EPG5: variants seen among roughly 807,000 people sequenced by gnomAD.
The protein encoded by EPG5 is ectopic P-granules 5 autophagy tethering factor, also known as ectopic P granules protein 5 homolog.
A neutral mutation model predicts 302.7 loss-of-function variants in EPG5; 159 were observed. That is an observed-to-expected ratio of 0.53 (90% CI 0.46 to 0.60). The LOEUF (loss-of-function observed/expected upper bound fraction) is 0.60, where lower values mean the gene tolerates loss of function less well. Ranked by LOEUF, EPG5 falls within the 20% of genes least tolerant of loss-of-function variation. The probability of loss-of-function intolerance (pLI) is 0.00; values close to 1 mark genes in which losing one functional copy is unlikely to be tolerated. For synonymous variants in EPG5, 1,158 were observed against 1,136.8 expected (o/e 1.02, Z -0.37); for missense variants, 2,896 against 3,092.4 (o/e 0.94, Z 1.51).
chr18:45,837,014 T>A, the EPG5 span: 1 of 1,274,076 alleles, frequency 7.8e-7, no homozygotes, highest in Non-Finnish European at 1.1e-6. Flanking sequence ...CGGGGTTAAC[T>A]GTGTTTATCT....
intron 9 of EPG5, among the ~76,000 whole-genome samples, chr18:45,940,166 A>T (rs1007089313): frequency 2.4e-4 from 37 of 152,216 alleles, no homozygotes; most frequent in African/African-American, 8.2e-4. Flanking sequence ...TCTCTATGAG[A>T]AGAGTGTCCA....
intron 1 of EPG5, 113 bp from the exon 2 acceptor site, chr18:45,955,451 C>T (rs2051006886): frequency 2.2e-5 from 16 of 712,836 alleles, no homozygotes; most frequent in Non-Finnish European, 3.1e-5. Flanking sequence ...ACAAATGAAA[C>T]CTAAATTCAC....
chr18:45,889,290 C>T (rs868042428), intron 28 of EPG5, among the ~76,000 whole-genome samples: 2 of 152,144 alleles, frequency 1.3e-5, no homozygotes, highest in South Asian at 2.1e-4. Flanking sequence ...CAAAAGAAAA[C>T]GATGGTCAAA....
At chr18:45,894,737 G>A (rs925005286) in intron 27 of EPG5, among the ~76,000 whole-genome samples, 7 of 152,182 alleles carry the variant, frequency 4.6e-5, no homozygotes, top group Non-Finnish European at 8.8e-5. Flanking sequence ...TAATGTGTAT[G>A]TTGTGTTTAG....
At chr18:45,949,398 C>CTTT in intron 5 of EPG5, 86 bp downstream of exon 5, 1 of 685,612 alleles carries the variant, frequency 1.5e-6, no homozygotes, top group Non-Finnish European at 2.4e-6. Context: ...TTAAATAGTC[C>CTTT]TTTTTTTTTC....
At chr18:45,944,242 A>G (rs2050739837) in intron 7 of EPG5, 123 bp from the exon 8 acceptor site, 2 of 617,770 alleles carry the variant, frequency 3.2e-6, no homozygotes, top group Non-Finnish European at 5.8e-6. Context: ...ATGAGTCTTC[A>G]TGGACCTTTT....
At chr18:45,816,935 T>TA in the EPG5 span, among the ~76,000 whole-genome samples, 2 of 152,090 alleles carry the variant, frequency 1.3e-5, no homozygotes, top group Non-Finnish European at 2.9e-5. Flanking sequence ...TACTCAGCCA[T>TA]AAAAAAGGAA....
At chr18:45,881,708 A>T (rs912094182) in intron 31 of EPG5, among the ~76,000 whole-genome samples, 1 of 152,222 alleles carries the variant, frequency 6.6e-6, no homozygotes, top group Admixed American at 6.5e-5. Context: ...TTGCTATAGA[A>T]AATTGTAAGA....
At chr18:45,909,875 G>A (rs898243985) in intron 23 of EPG5, among the ~76,000 whole-genome samples, 1 of 152,222 alleles carries the variant, frequency 6.6e-6, no homozygotes, top group Non-Finnish European at 1.5e-5. Flanking sequence ...GAGCCCAGGA[G>A]TTTGGGGCTG....
chr18:45,860,191 G>A lies in EPG5; in HGVS notation c.6922C>T (p.Leu2308Phe), dbSNP rs561196352. ...AGGCTCTGGCAGGCTGCTGTTAAAA[G>A]GGGCAGCACCACCAGCCCATGCATT... Reference protein sequence around the residue: ...QKMHGLVVLPLLTAACQSLAS... With the variant: ...QKMHGLVVLPFLTAACQSLAS... Residue 2308 changes from leucine (L) to phenylalanine (F), a missense_variant, in exon 40 of 44, where the codon CTT (leucine) becomes TTT (phenylalanine). By Grantham distance (22) the Leu-to-Phe change is conservative. This residue lies in a region of EPG5 where 620 missense variants were observed against 704.2 expected (regional missense o/e 0.88). Coordinates refer to ENST00000282041, the MANE Select transcript of EPG5 (RefSeq NM_020964.3). The A allele has an allele frequency of 1.2e-6, 2 of 1,614,224 alleles. No homozygotes were observed. The highest frequency in any genetic ancestry group is 1.1e-5 in the South Asian group (1 of 91,084).
intron 1 of EPG5, among the ~76,000 whole-genome samples, chr18:45,965,804 G>C (rs1056665928): frequency 7.1e-6 from 1 of 141,476 alleles, no homozygotes; most frequent in South Asian, 2.3e-4. Flanking sequence ...CTGTAATCCG[G>C]GCACTTTGGG....
At chr18:45,934,237 CAA>C (rs2050466044) in intron 11 of EPG5, among the ~76,000 whole-genome samples, 1 of 151,922 alleles carries the variant, frequency 6.6e-6, no homozygotes, top group Non-Finnish European at 1.5e-5. Context: ...TGCAGTCAGC[CAA>C]GAGCACACCA....
At chr18:45,942,107 C>T (rs1019345820) in intron 9 of EPG5, among the ~76,000 whole-genome samples, 4 of 152,092 alleles carry the variant, frequency 2.6e-5, no homozygotes, top group African/African-American at 7.2e-5. Flanking sequence ...CACCAATAGT[C>T]CCAGCTATTC....
the EPG5 span, chr18:45,837,111 C>A: frequency 1.2e-6 from 2 of 1,612,346 alleles, no homozygotes; most frequent in Non-Finnish European, 1.7e-6. Flanking sequence ...ATTATTATCA[C>A]CATCTCGGGG....
Position 45,882,379 on chromosome 18 carries a change from C to T in EPG5, c.5413G>A (p.Glu1805Lys). Residue 1805 changes from glutamate to lysine, a missense_variant, in exon 31 of 44, where the codon GAG becomes AAG. This residue lies in a region of EPG5 where 790 missense variants were observed against 798.0 expected (regional missense o/e 0.99). Coordinates refer to ENST00000282041, the MANE Select transcript of EPG5 (RefSeq NM_020964.3). ...AGATTAAATGGCATCAAAATATCCT[C>T]ATCTGGTTCAAGGCCCCAGGCAGTA... ...ALTAWGLEPD[E>K]DILMPFNLFC... 6.2e-7 allele frequency: 1 copy of T among 1,614,216 alleles called. No individual in the cohort carries two copies. Among genetic ancestry groups the T allele is most frequent in the Non-Finnish European group, 8.5e-7 (1 of 1,180,026 alleles).
At chr18:45,947,813 C>T (rs974450916) in intron 6 of EPG5, among the ~76,000 whole-genome samples, 5 of 152,034 alleles carry the variant, frequency 3.3e-5, no homozygotes, top group Non-Finnish European at 7.4e-5. Flanking sequence ...CGCTCTATCA[C>T]GCAGGCTGGA....
At position 45,848,796 on chromosome 18, in the gene EPG5, C is replaced by G. The variant is rs758418050; in HGVS notation, c.*3671G>C. 3 of 152,254 alleles carry G rather than the reference C, an allele frequency of 2.0e-5. No homozygotes were observed. Among genetic ancestry groups the G allele is most frequent in the Non-Finnish European group, 4.4e-5 (3 of 68,112 alleles). 9.4% of individuals were successfully genotyped at this position (152,254 alleles called of 1,614,324 possible). A position where few individuals can be genotyped will look rare whatever the true frequency, so the allele number is the denominator to read the frequency against. On this transcript the variant is annotated 3_prime_UTR_variant, in exon 44 of 44. Transcript: ENST00000282041. ...GGAAAAGGTCTAACTAAAGACATTG[C>G]AGGGGAGATGGGCGCGGTGGCTCAC...
At position 45,944,170 on chromosome 18, in the gene EPG5, A is replaced by G. The variant is rs374898908; in HGVS notation, c.1678-51T>C. 1.1e-4 allele frequency: 121 copies of G among 1,136,292 alleles called. No individual in the cohort carries two copies. In the African/African-American group the frequency reaches 1.4e-3, roughly 13 times the overall value. The allele number at this position is 1,136,292 out of a possible 1,614,324, so 70.4% of individuals were successfully genotyped here. ...TCAGCAGATTTGATCAGATCACACT[A>G]TGATCTAGCGTTACAGGAGCTAAAT... On this transcript the variant is annotated intron_variant, in intron 7 of 43. Transcript: ENST00000282041.
intron 27 of EPG5, among the ~76,000 whole-genome samples, chr18:45,893,928 T>A (rs1361364015): frequency 6.6e-6 from 1 of 152,172 alleles, no homozygotes; most frequent in African/African-American, 2.4e-5. Flanking sequence ...ATCAGGGAAC[T>A]TACTTATGAA....
Sources: allele counts gnomAD v4.1 joint callset (sites outside exome capture counted in the v4.1 genomes callset), GRCh38; gene constraint gnomAD v4.1.1; regional missense constraint gnomAD v4.1.1; transcripts MANE v1.5; gene names NCBI Gene and HGNC (gene_info 2026-07-23, HGNC 2026-07-21).